The following PML variants were observed in gnomAD, a reference collection of about 807,000 sequenced individuals.
PML encodes the protein PML nuclear body scaffold, also known as protein PML.
In PML, 28 loss-of-function variants were observed where a neutral mutation model predicts 65.2. The observed-to-expected ratio is 0.43, with a 90% CI of 0.32 to 0.59. The LOEUF is 0.59. Ranked by LOEUF, PML falls within the 20% of genes least tolerant of loss-of-function variation. PML has a pLI of 0.08. For missense variants in PML, 1,021 were observed against 1,203.4 expected, an observed-to-expected ratio of 0.85 and a Z score of 2.24; for synonymous variants, 500 against 508.8, an observed-to-expected ratio of 0.98 and a Z score of 0.23.
At chr15:74,040,699 C>T (rs1237580172) in intron 7 of PML, among the ~76,000 whole-genome samples, 1 of 152,238 alleles carries the variant, frequency 6.6e-6, no homozygotes, top group African/African-American at 2.4e-5. Flanking sequence ...AGACCAGCTC[C>T]ATGGGTGGCC....
Position 74,023,294 on chromosome 15 carries a change from T to G in PML, c.1069T>G (p.Cys357Gly). 1 of 1,609,680 alleles carries G rather than the reference T, an allele frequency of 6.2e-7. No homozygotes were observed. The highest frequency in any genetic ancestry group is 8.5e-7 in the Non-Finnish European group (1 of 1,179,586). The change falls in exon 3 of 9, where the codon TGC becomes GGC. Residue 357 changes from cysteine (C) to glycine (G), a missense_variant. By Grantham distance (159) the Cys-to-Gly change is radical. Transcript: ENST00000268058. Reference sequence around the variant, plus strand: ...GCACGGTTTCCTGCGCCAGGCGCTCTGCCGCCTGCGCCAGGAGGAGCCCCA... The same window carrying G: ...GCACGGTTTCCTGCGCCAGGCGCTCGGCCGCCTGCGCCAGGAGGAGCCCCA... ...DMHGFLRQAL[C>G]RLRQEEPQSL...
chr15:74,045,074 C>T lies in PML; in HGVS notation c.*66C>T, dbSNP rs1266327411. On this transcript the variant is annotated 3_prime_UTR_variant, in exon 9 of 9. Coordinates refer to ENST00000268058, the MANE Select transcript of PML (RefSeq NM_033238.3). Reference sequence around the variant, plus strand: ...AGGGATGGGGTCCCTGAGCCAGGCCCCACCCATCACAGCATTCCCAGGTCC... The same window carrying T: ...AGGGATGGGGTCCCTGAGCCAGGCCTCACCCATCACAGCATTCCCAGGTCC... The T allele has an allele frequency of 9.3e-6, 13 of 1,391,904 alleles. No homozygotes were observed. The highest frequency in any genetic ancestry group is 1.2e-5 in the Non-Finnish European group (12 of 1,028,264). 86.2% of individuals were successfully genotyped at this position (1,391,904 alleles called of 1,614,324 possible).
rs531284544 is a variant in PML, at chr15:74,037,686, C to T, written c.1710+3156C>T. The T allele has an allele frequency of 7.2e-5, 71 of 985,372 alleles. No individual in the cohort carries two copies. The highest frequency in any genetic ancestry group is 8.2e-5 in the Non-Finnish European group (68 of 829,924). The allele number at this position is 985,372 out of a possible 1,614,324, so 61.0% of individuals were successfully genotyped here. A position where few individuals can be genotyped will look rare whatever the true frequency, so the allele number is the denominator to read the frequency against. On this transcript the variant is annotated intron_variant, in intron 7 of 8. Coordinates refer to ENST00000268058, the MANE Select transcript of PML (RefSeq NM_033238.3). The surrounding 1 kb of genome is among the most constrained non-coding windows in gnomAD (Gnocchi z 4.2). ...TATTATTCTTGACCGGCGCTGGGCC[C>T]GGTCTTTCCTGGAAAGATCGCCTGC...
intron 6 of PML, chr15:74,034,048 C>T (rs1374787637): frequency 1.4e-5 from 5 of 346,334 alleles, no homozygotes; most frequent in South Asian, 2.8e-5. Flanking sequence ...TATTCCTTAC[C>T]CACAAATGCT....
Position 74,044,783 on chromosome 15 carries a change from G to T in PML, c.2424G>T (p.Leu808=). ...TACACAACGTGAGCTTCATGGAGCT[G>T]CTGAGTGCACACCGCCGTGACCGGC... ...LALHNVSFME[L]LSAHRRDRQG... The change falls in exon 9 of 9, where the codon CTG becomes CTT. Residue 808 remains leucine (L), a synonymous_variant. Coordinates refer to ENST00000268058, the MANE Select transcript of PML (RefSeq NM_033238.3). 6.2e-7 allele frequency: 1 copy of T among 1,613,044 alleles called. No homozygotes were observed. Among genetic ancestry groups the T allele is most frequent in the Non-Finnish European group, 8.5e-7 (1 of 1,180,040 alleles).
At chr15:74,010,926 C>T (rs1234960420) in intron 2 of PML, among the ~76,000 whole-genome samples, 1 of 152,204 alleles carries the variant, frequency 6.6e-6, no homozygotes, top group African/African-American at 2.4e-5. Context: ...CTATAAGTTG[C>T]ATCTAAAACA....
In PML at chr15:74,045,896, G is replaced by A. The variant is rs1357561986; in HGVS notation, c.*888G>A. 1 of 232,282 alleles carries A rather than the reference G, an allele frequency of 4.3e-6. No homozygotes were observed. The highest frequency in any genetic ancestry group is 8.5e-6 in the Non-Finnish European group (1 of 117,498). 14.4% of individuals were successfully genotyped at this position (232,282 alleles called of 1,614,324 possible). A position where few individuals can be genotyped will look rare whatever the true frequency, so the allele number is the denominator to read the frequency against. On this transcript the variant is annotated 3_prime_UTR_variant, in exon 9 of 9. Coordinates refer to ENST00000268058, the MANE Select transcript of PML (RefSeq NM_033238.3). ...GGCCTCTGGAATCAGAATCTTCAGG[G>A]TGGGGCCCAGCAGTCTGTGTTTTAA...
At position 74,045,950 on chromosome 15, in the gene PML, C is replaced by T. The variant is rs952795937; in HGVS notation, c.*942C>T. On this transcript the variant is annotated 3_prime_UTR_variant, in exon 9 of 9. Coordinates refer to ENST00000268058, the MANE Select transcript of PML (RefSeq NM_033238.3). ...GTTCTCCCGGTGATGCTGGTGCATGCTCAAGTTTGAGAACCGCTGCTCTCA... is the reference window on the plus strand; with the variant it reads ...GTTCTCCCGGTGATGCTGGTGCATGTTCAAGTTTGAGAACCGCTGCTCTCA... The T allele has an allele frequency of 7.3e-5, 17 of 232,466 alleles. No homozygotes were observed. The highest frequency in any genetic ancestry group is 1.2e-4 in the Non-Finnish European group (14 of 117,602). 14.4% of individuals were successfully genotyped at this position (232,466 alleles called of 1,614,324 possible). A position where few individuals can be genotyped will look rare whatever the true frequency, so the allele number is the denominator to read the frequency against.
rs978108270 is a variant in PML at position 74,030,236 on chromosome 15, C to T, written c.1255-2336C>T. Reference sequence around the variant, plus strand: ...CTGCCACTCACTCATTTTCAATAATCGGTCCAGTGGACGCTTAAAGTTCAC... The same window carrying T: ...CTGCCACTCACTCATTTTCAATAATTGGTCCAGTGGACGCTTAAAGTTCAC... On this transcript the variant is annotated intron_variant, in intron 4 of 8. Transcript: ENST00000268058. Among the ~76,000 whole-genome samples the T allele has an allele frequency of 3.9e-5, 6 of 152,162 alleles. No homozygotes were observed. In the South Asian group the frequency reaches 6.2e-4, roughly 16 times the overall value.
At chr15:74,033,663 C>G in intron 6 of PML, 1 of 667,970 alleles carries the variant, frequency 1.5e-6, no homozygotes. Flanking sequence ...AGTCCTTTCT[C>G]CCAAACACTA....
At chr15:74,019,008 T>TA (rs1164447549) in intron 2 of PML, among the ~76,000 whole-genome samples, 2 of 152,306 alleles carry the variant, frequency 1.3e-5, no homozygotes, top group East Asian at 3.9e-4. Flanking sequence ...GCTAAGGTCA[T>TA]TCCTGGCCCT....
At chr15:74,032,388 A>C (rs972904603) in intron 4 of PML, 184 bp from the exon 5 acceptor site, 2 of 645,526 alleles carry the variant, frequency 3.1e-6, no homozygotes, top group Non-Finnish European at 5.5e-6. Context: ...TTTTTAAAAA[A>C]AGGAGGTGAT....
At chr15:74,036,335 G>A (rs973650765) in intron 7 of PML, 28 of 1,419,842 alleles carry the variant, frequency 2.0e-5, no homozygotes, top group Non-Finnish European at 2.3e-5. Flanking sequence ...TGAGCACAGG[G>A]ACTGGCTATC....
chr15:74,044,669 C>T lies in PML; in HGVS notation c.2310C>T (p.Tyr770=), dbSNP rs1165548655. The change falls in exon 9 of 9, where the codon TAC becomes TAT. Residue 770 remains tyrosine (Y), a synonymous_variant. Transcript: ENST00000268058. ...SPGPQLAQHV[Y]PFSSLQCFAS... ...GCCCCCAGCTGGCCCAGCATGTCTA[C>T]CCCTTCAGTAGCCTGCAGTGCTTTG... The T allele has an allele frequency of 6.2e-7, 1 of 1,605,992 alleles. No individual in the cohort carries two copies. The highest frequency in any genetic ancestry group is 1.3e-5 in the African/African-American group (1 of 74,948).
At position 74,033,290 on chromosome 15, in the gene PML, C is replaced by T; in HGVS notation, c.1533C>T (p.Pro511=). The change falls in exon 6 of 9, where the codon CCC becomes CCT. Residue 511 remains proline, a synonymous_variant. Coordinates refer to ENST00000268058, the MANE Select transcript of PML (RefSeq NM_033238.3). ...GGAGCTCCCCGGAGCAGCCCAGGCC[C>T]AGCACCTCCAAGGCAGTCTCACCAC... The part of the protein sequence containing the change: ...LARSSPEQPR[P]STSKAVSPPH... 1 of 1,614,228 alleles carries T rather than the reference C, an allele frequency of 6.2e-7. No homozygotes were observed. The highest frequency in any genetic ancestry group is 8.5e-7 in the Non-Finnish European group (1 of 1,180,036).
chr15:74,021,165 T>C (rs1280943300), intron 2 of PML, among the ~76,000 whole-genome samples: 1 of 152,182 alleles, frequency 6.6e-6, no homozygotes, highest in African/African-American at 2.4e-5. Flanking sequence ...TTTCTCATCC[T>C]TAAAATGGGG....
intron 2 of PML, among the ~76,000 whole-genome samples, chr15:74,013,054 G>A (rs1183695008): frequency 6.6e-6 from 1 of 152,048 alleles, no homozygotes; most frequent in Non-Finnish European, 1.5e-5. Flanking sequence ...CTGTCTTTAT[G>A]CCTAAAGATA....
chr15:74,039,322 CAT>C (rs1429544684), intron 7 of PML, among the ~76,000 whole-genome samples: 7 of 152,234 alleles, frequency 4.6e-5, no homozygotes, highest in African/African-American at 1.4e-4. Context: ...TCACTCATAA[CAT>C]GTGCAGTATT....
In PML at chr15:74,046,358, C is replaced by T; in HGVS notation, c.*1350C>T. ...TCCTCCTCCCTCCTTCCCATCCCTACTCATTAGCTCCCTGCTCCTGGGATG... is the reference window on the plus strand; with the variant it reads ...TCCTCCTCCCTCCTTCCCATCCCTATTCATTAGCTCCCTGCTCCTGGGATG... On this transcript the variant is annotated 3_prime_UTR_variant, in exon 9 of 9. Transcript: ENST00000268058. The T allele has an allele frequency of 4.3e-6, 1 of 233,334 alleles. No homozygotes were observed. The highest frequency in any genetic ancestry group is 6.0e-5 in the East Asian group (1 of 16,570). 14.5% of individuals were successfully genotyped at this position (233,334 alleles called of 1,614,324 possible). A position where few individuals can be genotyped will look rare whatever the true frequency, so the allele number is the denominator to read the frequency against.
Sources: allele counts gnomAD v4.1 joint callset (sites outside exome capture counted in the v4.1 genomes callset), GRCh38; gene constraint gnomAD v4.1.1; non-coding constraint Gnocchi (gnomAD v3.1); transcripts MANE v1.5; gene names NCBI Gene and HGNC (gene_info 2026-07-23, HGNC 2026-07-21).